KTN1: variants seen among roughly 807,000 people sequenced by gnomAD.
KTN1 encodes kinectin.
KTN1 carries 130 observed loss-of-function variants against 222.5 expected under a neutral mutation model. That is an observed-to-expected ratio of 0.58 (90% CI 0.51 to 0.68). KTN1 has a LOEUF of 0.68. Ranked by LOEUF, KTN1 falls within the 30% of genes least tolerant of loss-of-function variation. KTN1 has a pLI of 0.00. For missense variants in KTN1, 1,508 were observed against 1,500.4 expected (o/e 1.01, Z -0.08); for synonymous variants, 512 against 496.3 (o/e 1.03, Z -0.42).
chr14:55,640,153 A>G, intron 14 of KTN1, 150 bp downstream of exon 14: 1 of 661,664 alleles, frequency 1.5e-6, no homozygotes, highest in Non-Finnish European at 2.6e-6. Context: ...AAAATTCTCT[A>G]GCTCTCTACG....
intron 1 of KTN1, among the ~76,000 whole-genome samples, chr14:55,606,611 C>A (rs528070069): frequency 6.6e-6 from 1 of 152,114 alleles, no homozygotes; most frequent in Non-Finnish European, 1.5e-5. Context: ...AAATATAATT[C>A]AAAATTGTTG....
At chr14:55,646,484 C>T (rs1332032675) in intron 18 of KTN1, among the ~76,000 whole-genome samples, 1 of 61,728 alleles carries the variant, frequency 1.6e-5, no homozygotes, top group Non-Finnish European at 3.1e-5. Context: ...CCTTTCCTTT[C>T]CTTTCCTTTC....
intron 29 of KTN1, among the ~76,000 whole-genome samples, chr14:55,657,396 C>CTTTTTT (rs2043595835): frequency 5.2e-5 from 6 of 115,650 alleles, no homozygotes; most frequent in South Asian, 3.2e-4. Context: ...ACTGAGTTGA[C>CTTTTTT]GTTTTTTTTT....
chr14:55,583,712 T>G (rs1258559272), intron 1 of KTN1, among the ~76,000 whole-genome samples: 1 of 152,238 alleles, frequency 6.6e-6, no homozygotes, highest in East Asian at 1.9e-4. Flanking sequence ...AATACCTATA[T>G]GCTGATGGCT....
chr14:55,609,832 G>A lies in KTN1; in HGVS notation c.-30-2187G>A, dbSNP rs188997431. On this transcript the variant is annotated intron_variant, in intron 1 of 43. Coordinates refer to ENST00000395314, the MANE Select transcript of KTN1 (RefSeq NM_001079521.2). Reference sequence around the variant, plus strand: ...CATTGTTTTGTGTTTTTTCTCCCTCGACTGCCCAGCTTTTGTTGAATAGGC... The same window carrying A: ...CATTGTTTTGTGTTTTTTCTCCCTCAACTGCCCAGCTTTTGTTGAATAGGC... Among the ~76,000 whole-genome samples, 25 of 149,786 alleles carry A rather than the reference G, an allele frequency of 1.7e-4. No individual in the cohort carries two copies. In the East Asian group the frequency reaches 4.7e-3, roughly 28 times the overall value.
At position 55,616,612 on chromosome 14, in the gene KTN1, G is replaced by A. The variant is rs776371679; in HGVS notation, c.619G>A (p.Gly207Arg). 1.2e-6 allele frequency: 2 copies of A among 1,602,434 alleles called. No individual in the cohort carries two copies. The highest frequency in any genetic ancestry group is 1.8e-5 in the Admixed American group (1 of 55,696). Residue 207 changes from glycine (G) to arginine (R), a missense_variant, in exon 3 of 44, where the codon GGG (glycine) becomes AGG (arginine). By Grantham distance (125) the Gly-to-Arg change is moderately radical. Coordinates refer to ENST00000395314, the MANE Select transcript of KTN1 (RefSeq NM_001079521.2). The part of the protein sequence containing the change: ...HQETKQESGS[G>R]KKKASSKKQK... ...AGAGACTAAACAAGAAAGTGGATCA[G>A]GGAAGAAGAAAGCTTCATCAAAGAA...
At chr14:55,680,441 G>A in intron 43 of KTN1, 1 of 236,630 alleles carries the variant, frequency 4.2e-6, no homozygotes, top group South Asian at 5.9e-5. Context: ...ACTGCCTAGA[G>A]TGTAATTAGA....
At chr14:55,633,162 A>G in intron 7 of KTN1, 73 bp from the exon 8 acceptor site, 1 of 679,140 alleles carries the variant, frequency 1.5e-6, no homozygotes, top group Non-Finnish European at 2.3e-6. Flanking sequence ...TTCTCATTTT[A>G]ATAAAGTTTA....
At chr14:55,618,239 G>A in intron 4 of KTN1, 105 bp downstream of exon 4, 2 of 823,684 alleles carry the variant, frequency 2.4e-6, no homozygotes, top group Non-Finnish European at 3.6e-6. Context: ...CATTTCAAAA[G>A]AATCAAATCC....
At chr14:55,611,919 A>G in intron 1 of KTN1, 100 bp from the exon 2 acceptor site, 3 of 497,770 alleles carry the variant, frequency 6.0e-6, no homozygotes, top group Non-Finnish European at 6.8e-6. Flanking sequence ...GTCAGGTTAG[A>G]TTTGAAATGC....
In KTN1 at chr14:55,652,855, A is replaced by C; in HGVS notation, c.2609A>C (p.Lys870Thr). The change falls in exon 26 of 44, where the codon AAA becomes ACA. Residue 870 changes from lysine to threonine, a missense_variant. Lys to Thr is a moderately conservative substitution (Grantham distance 78). Coordinates refer to ENST00000395314, the MANE Select transcript of KTN1 (RefSeq NM_001079521.2). ...TCTGATTAATTTATTATCAGATTAA[A>C]AGGAAAAGAGGAACAGATGAATACC... ...SKVQELQNLL[K>T]GKEEQMNTMK... 1 of 1,592,256 alleles carries C rather than the reference A, an allele frequency of 6.3e-7. No homozygotes were observed. The highest frequency in any genetic ancestry group is 2.2e-5 in the East Asian group (1 of 44,658).
At chr14:55,679,945 G>A (rs767525932) in intron 43 of KTN1, 9 of 409,096 alleles carry the variant, frequency 2.2e-5, no homozygotes, top group Non-Finnish European at 3.9e-5. Flanking sequence ...TGGCTGCCTG[G>A]GTTTTTGTGT....
In KTN1 at chr14:55,635,664, T is replaced by C. The variant is rs145626134; in HGVS notation, c.1462-785T>C. ...TATGCATTCTGAAGCATATGTACAT[T>C]GAATAGAATGATGAGTATAATTCTC... On this transcript the variant is annotated intron_variant, in intron 9 of 43. Transcript: ENST00000395314. Among the ~76,000 whole-genome samples, 320 of 152,312 alleles carry C rather than the reference T, an allele frequency of 2.1e-3. 3 individuals carry two copies. The highest frequency in any genetic ancestry group is 7.2e-3 in the African/African-American group (300 of 41,564).
At chr14:55,639,269 C>CTGAT in intron 13 of KTN1, 47 bp downstream of exon 13, 1 of 1,336,824 alleles carries the variant, frequency 7.5e-7, no homozygotes, top group African/African-American at 1.4e-5. Flanking sequence ...TCACCACTAA[C>CTGAT]TGATACTTGT....
intron 39 of KTN1, 46 bp downstream of exon 39, chr14:55,673,058 A>G (rs770419342): frequency 6.5e-7 from 1 of 1,542,704 alleles, no homozygotes; most frequent in South Asian, 1.1e-5. Flanking sequence ...AATTCAGATT[A>G]AGTTTATAAC....
intron 20 of KTN1, among the ~76,000 whole-genome samples, chr14:55,648,316 A>G (rs974722310): frequency 4.6e-5 from 7 of 152,226 alleles, no homozygotes; most frequent in African/African-American, 1.7e-4. Flanking sequence ...TGAGGTAGAT[A>G]CTATTGTTAT....
chr14:55,641,423 C>T (rs2041793528), intron 17 of KTN1, among the ~76,000 whole-genome samples: 1 of 151,956 alleles, frequency 6.6e-6, no homozygotes, highest in African/African-American at 2.4e-5. Flanking sequence ...ATTTTTGGCC[C>T]CCAATCTTTT....
rs1489163863 is a variant in KTN1 at position 55,641,546 on chromosome 14, A to G, written c.2104-146A>G. 4.4e-6 allele frequency: 3 copies of G among 685,092 alleles called. No individual in the cohort carries two copies. The African/African-American group carries it at 5.5e-5, about 12-fold the overall frequency. The allele number at this position is 685,092 out of a possible 1,614,324, so 42.4% of individuals were successfully genotyped here. A position where few individuals can be genotyped will look rare whatever the true frequency, so the allele number is the denominator to read the frequency against. ...AGGGTGCATCTCTGTGTCCAGTGAA[A>G]TTTGAATTATGTCAGTGTATAATTC... On this transcript the variant is annotated intron_variant, in intron 17 of 43. Coordinates refer to ENST00000395314, the MANE Select transcript of KTN1 (RefSeq NM_001079521.2).
chr14:55,585,131 CAAAAA>C (rs752597184), intron 1 of KTN1, among the ~76,000 whole-genome samples: 5 of 54,538 alleles, frequency 9.2e-5, no homozygotes, highest in African/African-American at 1.4e-4. Flanking sequence ...GACTGTGTCT[CAAAAA>C]AAAAAAAAAA....
Sources: gnomAD v4.1 joint callset for allele counts (sites outside exome capture counted in the v4.1 genomes callset) on GRCh38, gnomAD v4.1.1 for gene constraint, MANE v1.5 for transcripts, NCBI Gene and HGNC (gene_info 2026-07-23, HGNC 2026-07-21) for gene names.